CDNF: variants seen among roughly 807,000 people sequenced by gnomAD.
CDNF encodes the protein cerebral dopamine neurotrophic factor.
Under a neutral mutation model 14.8 loss-of-function variants are expected in CDNF, and 9 were observed. That is an observed-to-expected ratio of 0.61 (90% CI 0.37 to 1.06). The LOEUF (loss-of-function observed/expected upper bound fraction) is 1.06, where lower values mean the gene tolerates loss of function less well. Among genes scored for constraint, CDNF ranks in the 50% least tolerant of loss-of-function variants. The probability of loss-of-function intolerance (pLI) is 0.01; values close to 1 mark genes in which losing one functional copy is unlikely to be tolerated. For synonymous variants in CDNF, 86 were observed against 87.2 expected, an observed-to-expected ratio of 0.99 and a Z score of 0.07; for missense variants, 228 against 228.4, an observed-to-expected ratio of 1.00 and a Z score of 0.01.
At chr10:14,833,900 G>C (rs1833865566) in intron 1 of CDNF, among the ~76,000 whole-genome samples, 1 of 152,184 alleles carries the variant, frequency 6.6e-6, no homozygotes, top group South Asian at 2.1e-4. Context: ...AGTGAACACA[G>C]TGTTAAAAGG....
intron 3 of CDNF, 132 bp downstream of exon 3, chr10:14,825,347 C>A (rs543716749): frequency 2.6e-4 from 227 of 858,080 alleles, no homozygotes; most frequent in Non-Finnish European, 3.8e-4. Context: ...TACCATTCAT[C>A]AGCCAAGCAA....
rs1283733243 is a variant in CDNF at position 14,830,858 on chromosome 10, C to G, written c.116-2586G>C. On this transcript the variant is annotated intron_variant, in intron 1 of 3. Coordinates refer to ENST00000465530, the MANE Select transcript of CDNF (RefSeq NM_001029954.3). ...TGAAACTCCGTCTCAAAAAACAAAA[C>G]AAGACAAAAACAAAAACAAGACTCA... Among the ~76,000 whole-genome samples the G allele has an allele frequency of 3.3e-5, 5 of 151,896 alleles. No homozygotes were observed. The East Asian group carries it at 5.8e-4, about 18-fold the overall frequency.
At chr10:14,828,381 G>C in intron 1 of CDNF, 109 bp from the exon 2 acceptor site, 1 of 1,030,796 alleles carries the variant, frequency 9.7e-7, no homozygotes, top group Non-Finnish European at 1.4e-6. Context: ...GGGCATGGTG[G>C]CTTACCCCTG....
rs771807308 is a variant in CDNF at position 14,837,875 on chromosome 10, C to A, written c.72G>T (p.Thr24=). The part of the protein sequence containing the change: ...AGLLVSHPVL[T]QGQEAGGRPG... ...GCCGCCCCCCGGCCTCCTGGCCCTG[C>A]GTCAGCACCGGGTGAGAGACCAAAA... The change falls in exon 1 of 4, where the codon ACG becomes ACT. Residue 24 remains threonine (T), a synonymous_variant. Coordinates refer to ENST00000465530, the MANE Select transcript of CDNF (RefSeq NM_001029954.3). The A allele has an allele frequency of 2.0e-5, 32 of 1,605,824 alleles. No individual in the cohort carries two copies. The highest frequency in any genetic ancestry group is 2.5e-5 in the Non-Finnish European group (30 of 1,178,154).
intron 1 of CDNF, 118 bp downstream of exon 1, chr10:14,837,714 G>A: frequency 1.6e-6 from 1 of 626,994 alleles, no homozygotes. Flanking sequence ...CGAGGGACAG[G>A]GCCTGCATTT....
At chr10:14,830,706 A>G (rs556315054) in intron 1 of CDNF, among the ~76,000 whole-genome samples, 20 of 151,744 alleles carry the variant, frequency 1.3e-4, no homozygotes, top group Non-Finnish European at 1.5e-4. Flanking sequence ...ATTAGCCAGG[A>G]GTGGTGGCAG....
chr10:14,836,657 C>A (rs1439790211), intron 1 of CDNF, among the ~76,000 whole-genome samples: 2 of 152,218 alleles, frequency 1.3e-5, no homozygotes, highest in Non-Finnish European at 2.9e-5. Flanking sequence ...AAGGACTGGG[C>A]GCTGTGGCTC....
At position 14,819,640 on chromosome 10, in the gene CDNF, G is replaced by T. The variant is rs993902638; in HGVS notation, c.*340C>A. 7.4e-5 allele frequency: 14 copies of T among 188,480 alleles called. No individual in the cohort carries two copies. The highest frequency in any genetic ancestry group is 1.2e-4 in the Non-Finnish European group (11 of 92,600). The allele number at this position is 188,480 out of a possible 1,614,324, so 11.7% of individuals were successfully genotyped here. A position where few individuals can be genotyped will look rare whatever the true frequency, so the allele number is the denominator to read the frequency against. On this transcript the variant is annotated 3_prime_UTR_variant, in exon 4 of 4. Coordinates refer to ENST00000465530, the MANE Select transcript of CDNF (RefSeq NM_001029954.3). The stretch of plus-strand genomic sequence containing the variant: ...CCAATATATTTTAAAATTGCATCCA[G>T]AGAGGAGTCTCTGAATGCCTTCTTC...
At chr10:14,837,046 G>A (rs1479293019) in intron 1 of CDNF, among the ~76,000 whole-genome samples, 1 of 152,178 alleles carries the variant, frequency 6.6e-6, no homozygotes, top group Non-Finnish European at 1.5e-5. Flanking sequence ...CTGTTCACTA[G>A]GGATATATTT....
intron 1 of CDNF, among the ~76,000 whole-genome samples, chr10:14,829,066 T>C (rs1296448448): frequency 6.6e-6 from 1 of 152,128 alleles, no homozygotes; most frequent in Non-Finnish European, 1.5e-5. Flanking sequence ...ATTTCAGGCC[T>C]GTTGCTATTA....
intron 1 of CDNF, among the ~76,000 whole-genome samples, chr10:14,832,852 CTTTTTTTTTTT>C (rs918887413): frequency 5.0e-5 from 4 of 80,496 alleles, no homozygotes; most frequent in Non-Finnish European, 9.3e-5. Context: ...TCTTTTTTTG[CTTTTTTTTTTT>C]TTTTTTTTTT....
chr10:14,828,196 C>T lies in CDNF; in HGVS notation c.192G>A (p.Glu64=). The T allele has an allele frequency of 6.2e-7, 1 of 1,613,796 alleles. No individual in the cohort carries two copies. Among genetic ancestry groups the T allele is most frequent in the East Asian group, 2.2e-5 (1 of 44,876 alleles). ...CCAAGCAAAAACTGATCAATTCTTT[C>T]TCTATAGTGTCCAGCGAAAAGTTAA... ...RGVNFSLDTI[E]KELISFCLDT... The change falls in exon 2 of 4, where the codon GAG becomes GAA. Residue 64 remains glutamate, a synonymous_variant. Coordinates refer to ENST00000465530, the MANE Select transcript of CDNF (RefSeq NM_001029954.3).
At chr10:14,825,097 C>T (rs988510917) in intron 3 of CDNF, among the ~76,000 whole-genome samples, 1 of 151,896 alleles carries the variant, frequency 6.6e-6, no homozygotes, top group African/African-American at 2.4e-5. Context: ...GGGACTATAG[C>T]TGCCCGCCAC....
chr10:14,822,459 C>A lies in CDNF; in HGVS notation c.386-2301G>T, dbSNP rs189518418. 7.2e-5 allele frequency among the ~76,000 whole-genome samples: 11 copies of A among 152,088 alleles called. No homozygotes were observed. The East Asian group carries it at 1.9e-3, about 27-fold the overall frequency. ...GGCATGGGGGCACACACCTGTAATC[C>A]CAGCATCTCAGGAGGCTGAGGCAGG... On this transcript the variant is annotated intron_variant, in intron 3 of 3. Coordinates refer to ENST00000465530, the MANE Select transcript of CDNF (RefSeq NM_001029954.3).
rs560468439 is a variant in CDNF at position 14,829,553 on chromosome 10, A to C, written c.116-1281T>G. On this transcript the variant is annotated intron_variant, in intron 1 of 3. Transcript: ENST00000465530. ...AGATACTTTCAAGCTTGTTTTTTAT[A>C]TCTTTAAACACACTAAACTTAATTA... Among the ~76,000 whole-genome samples, 3 of 152,292 alleles carry C rather than the reference A, an allele frequency of 2.0e-5. No individual in the cohort carries two copies. In the East Asian group the frequency reaches 5.8e-4, roughly 29 times the overall value.
At chr10:14,827,998 G>A (rs1833813035) in intron 2 of CDNF, 147 bp downstream of exon 2, 3 of 736,438 alleles carry the variant, frequency 4.1e-6, no homozygotes, top group Non-Finnish European at 7.0e-6. Flanking sequence ...ACATGTCACT[G>A]GAAGATGGAT....
At chr10:14,821,454 C>T (rs1833737715) in intron 3 of CDNF, among the ~76,000 whole-genome samples, 1 of 152,114 alleles carries the variant, frequency 6.6e-6, no homozygotes, top group African/African-American at 2.4e-5. Flanking sequence ...CGGGAACAGA[C>T]TAATACAAAT....
chr10:14,831,780 T>C (rs1329713124), intron 1 of CDNF, among the ~76,000 whole-genome samples: 2 of 152,124 alleles, frequency 1.3e-5, no homozygotes, highest in African/African-American at 4.8e-5. Flanking sequence ...TTCACCATGT[T>C]GGCCAGGACG....
In CDNF at chr10:14,837,982, C is replaced by T; in HGVS notation, c.-36G>A. ...CAGCTTCAATCGCCTCCGCCACCCG[C>T]GCCCACCGCCCACCAAGCTGCCAAA... is the stretch of plus-strand genomic sequence containing the variant. On this transcript the variant is annotated 5_prime_UTR_variant, in exon 1 of 4. Coordinates refer to ENST00000465530, the MANE Select transcript of CDNF (RefSeq NM_001029954.3). The T allele has an allele frequency of 6.9e-7, 1 of 1,448,544 alleles. No homozygotes were observed. The highest frequency in any genetic ancestry group is 9.5e-7 in the Non-Finnish European group (1 of 1,057,564). The allele number at this position is 1,448,544 out of a possible 1,614,324, so 89.7% of individuals were successfully genotyped here.
Sources: gnomAD v4.1 joint callset for allele counts (sites outside exome capture counted in the v4.1 genomes callset) on GRCh38, gnomAD v4.1.1 for gene constraint, MANE v1.5 for transcripts, NCBI Gene and HGNC (gene_info 2026-07-23, HGNC 2026-07-21) for gene names.